The following FARS2 variants were observed in gnomAD, a reference collection of about 807,000 sequenced individuals.
The protein encoded by FARS2 is phenylalanine--tRNA ligase, mitochondrial.
In FARS2, 40 loss-of-function variants were observed where a neutral mutation model predicts 46.4. The observed-to-expected ratio is 0.86, with a 90% confidence interval of 0.67 to 1.12. The LOEUF (loss-of-function observed/expected upper bound fraction) is 1.12. Among genes scored for constraint, FARS2 ranks in the 50% most tolerant of loss-of-function variants. The probability of loss-of-function intolerance (pLI) is 0.00; values close to 1 mark genes in which losing one functional copy is unlikely to be tolerated. For missense variants in FARS2, 513 were observed against 567.9 expected (o/e 0.90, Z 0.98); for synonymous variants, 234 against 214.9 (o/e 1.09, Z -0.78).
intron 4 of FARS2, among the ~76,000 whole-genome samples, chr6:5,462,259 A>G (rs1333135013): frequency 6.6e-6 from 1 of 152,092 alleles, no homozygotes; most frequent in Non-Finnish European, 1.5e-5. Context: ...TTGTCTTATT[A>G]TTCAGTTGTA....
rs574663871 is a variant in FARS2 at position 5,698,503 on chromosome 6, A to G, written c.1218-72788A>G. Among the ~76,000 whole-genome samples, 44 of 152,310 alleles carry G rather than the reference A, an allele frequency of 2.9e-4. 1 individual carries two copies. In the South Asian group the frequency reaches 8.7e-3, roughly 30 times the overall value. On this transcript the variant is annotated intron_variant, in intron 6 of 6. Transcript: ENST00000274680. ...GGGCAGGGACAAGTATCCAAACCAT[A>G]TCACAAGGAAAGCTTCCGGAGCTGA...
intron 1 of FARS2, among the ~76,000 whole-genome samples, chr6:5,328,354 C>T (rs1770544851): frequency 6.6e-6 from 1 of 152,122 alleles, no homozygotes; most frequent in African/African-American, 2.4e-5. Flanking sequence ...TTATGCTCTC[C>T]CATGAGTTTT....
At chr6:5,474,700 G>A (rs1316194134) in intron 4 of FARS2, among the ~76,000 whole-genome samples, 12 of 127,580 alleles carry the variant, frequency 9.4e-5, no homozygotes, top group African/African-American at 2.3e-4. Flanking sequence ...TCACTCTGTC[G>A]CCCCGGCTGG....
chr6:5,733,315 G>A (rs189814248), intron 6 of FARS2, among the ~76,000 whole-genome samples: 77 of 152,296 alleles, frequency 5.1e-4, no homozygotes, highest in Admixed American at 1.6e-3. Flanking sequence ...GTGAAAATGG[G>A]ATTTCGTTTT....
At chr6:5,710,542 G>A (rs909875759) in intron 6 of FARS2, among the ~76,000 whole-genome samples, 28 of 152,212 alleles carry the variant, frequency 1.8e-4, no homozygotes, top group Middle Eastern at 6.8e-3. Flanking sequence ...TGAGCCCTGC[G>A]GCTTCCCCCG....
chr6:5,437,477 A>G (rs1401676824), intron 4 of FARS2, among the ~76,000 whole-genome samples: 1 of 152,022 alleles, frequency 6.6e-6, no homozygotes, highest in African/African-American at 2.4e-5. Flanking sequence ...GGACTTGGCT[A>G]TTTTACCCTT....
chr6:5,662,424 G>A (rs1208892163), intron 6 of FARS2, among the ~76,000 whole-genome samples: 1 of 152,176 alleles, frequency 6.6e-6, no homozygotes, highest in Non-Finnish European at 1.5e-5. Flanking sequence ...ACAGCAATGT[G>A]GAAATAGTCA....
chr6:5,656,396 G>A (rs1433279495), intron 6 of FARS2, among the ~76,000 whole-genome samples: 8 of 152,190 alleles, frequency 5.3e-5, no homozygotes, highest in African/African-American at 1.9e-4. Context: ...GGAAGTGTTT[G>A]TAGAGGAGAG....
intron 4 of FARS2, among the ~76,000 whole-genome samples, chr6:5,432,670 C>G (rs1763295469): frequency 6.6e-6 from 1 of 150,984 alleles, no homozygotes; most frequent in Non-Finnish European, 1.5e-5. Flanking sequence ...TCCGGCTCTG[C>G]TCCCTTAGAA....
chr6:5,537,589 CCGGGCT>C (rs1770297621), intron 4 of FARS2, among the ~76,000 whole-genome samples: 1 of 142,646 alleles, frequency 7.0e-6, no homozygotes, highest in African/African-American at 2.7e-5. Flanking sequence ...TGGAGATGTC[CCGGGCT>C]TCCTCTCGAG....
intron 4 of FARS2, among the ~76,000 whole-genome samples, chr6:5,432,253 T>C (rs1217923970): frequency 2.8e-5 from 4 of 142,276 alleles, no homozygotes; most frequent in African/African-American, 1.0e-4. Context: ...GAGGCGGAGG[T>C]TGCAGTGAGC....
chr6:5,347,061 C>A (rs1037784436), intron 1 of FARS2, among the ~76,000 whole-genome samples: 1 of 151,846 alleles, frequency 6.6e-6, no homozygotes, highest in Non-Finnish European at 1.5e-5. Flanking sequence ...TTACAGTCAC[C>A]CACCACCACA....
At chr6:5,437,549 T>C (rs142720100) in intron 4 of FARS2, among the ~76,000 whole-genome samples, 259 of 152,306 alleles carry the variant, frequency 1.7e-3, no homozygotes, top group African/African-American at 6.0e-3. Context: ...TATATTTTCA[T>C]AGTAGTTATG....
At chr6:5,461,285 CCA>C (rs1365240055) in intron 4 of FARS2, among the ~76,000 whole-genome samples, 1 of 152,118 alleles carries the variant, frequency 6.6e-6, no homozygotes, top group Non-Finnish European at 1.5e-5. Context: ...GGTGATCCAC[CCA>C]CCTTGGCCTC....
intron 1 of FARS2, among the ~76,000 whole-genome samples, chr6:5,295,353 A>G (rs992361520): frequency 6.6e-6 from 1 of 152,150 alleles, no homozygotes; most frequent in Non-Finnish European, 1.5e-5. Context: ...AGAGTTAGAA[A>G]TTATTTCAAT....
intron 6 of FARS2, among the ~76,000 whole-genome samples, chr6:5,653,548 A>G (rs1391198235): frequency 6.6e-6 from 1 of 152,216 alleles, no homozygotes; most frequent in East Asian, 1.9e-4. Context: ...GAACTAAGTG[A>G]CCACAATACA....
At chr6:5,422,711 C>T (rs1241468460) in intron 3 of FARS2, among the ~76,000 whole-genome samples, 4 of 152,112 alleles carry the variant, frequency 2.6e-5, no homozygotes, top group East Asian at 1.9e-4. Flanking sequence ...AGGCATGGGA[C>T]GTGTTTAGCA....
chr6:5,723,966 G>A (rs995002770), intron 6 of FARS2, among the ~76,000 whole-genome samples: 3 of 150,532 alleles, frequency 2.0e-5, no homozygotes, highest in Non-Finnish European at 3.0e-5. Context: ...CCTGCAGAGC[G>A]GTGGCCACGC....
intron 3 of FARS2, among the ~76,000 whole-genome samples, chr6:5,427,590 C>G (rs1323545839): frequency 6.6e-6 from 1 of 151,834 alleles, no homozygotes; most frequent in Admixed American, 6.6e-5. Context: ...TTTTACCAGT[C>G]TGTGTTTTCT....
Sources: gnomAD v4.1 joint callset for allele counts (sites outside exome capture counted in the v4.1 genomes callset) on GRCh38, gnomAD v4.1.1 for gene constraint, MANE v1.5 for transcripts, NCBI Gene and HGNC (gene_info 2026-07-23, HGNC 2026-07-21) for gene names.